GDPD4: variants seen among roughly 807,000 people sequenced by gnomAD.
GDPD4 encodes the protein glycerophosphodiester phosphodiesterase 6.
GDPD4 carries 60 observed loss-of-function variants against 67.8 expected under a neutral mutation model. The observed-to-expected ratio is 0.88, with a 90% CI of 0.72 to 1.10. GDPD4 has a LOEUF of 1.10. GDPD4 is among the 50% of genes least tolerant of loss of function. The pLI is 0.00. For synonymous variants in GDPD4, 212 were observed against 210.9 expected, an observed-to-expected ratio of 1.00 and a Z score of -0.04; for missense variants, 623 against 613.9, an observed-to-expected ratio of 1.01 and a Z score of -0.16.
At chr11:77,220,520 T>C (rs964985765) in intron 16 of GDPD4, among the ~76,000 whole-genome samples, 7 of 152,228 alleles carry the variant, frequency 4.6e-5, no homozygotes, top group Admixed American at 4.6e-4. Context: ...TTGATTTGCA[T>C]ATGTTGAACC....
intron 16 of GDPD4, among the ~76,000 whole-genome samples, chr11:77,220,255 G>A (rs1048222469): frequency 1.3e-5 from 2 of 152,182 alleles, no homozygotes; most frequent in Non-Finnish European, 2.9e-5. Flanking sequence ...TTGAATAGGA[G>A]TGGTGAGAAA....
chr11:77,245,181 C>T (rs1415046177), intron 12 of GDPD4, 100 bp downstream of exon 12: 1 of 809,422 alleles, frequency 1.2e-6, no homozygotes, highest in Non-Finnish European at 2.1e-6. Context: ...ACTTAAGGAT[C>T]CCAGGGTAGA....
intron 13 of GDPD4, among the ~76,000 whole-genome samples, chr11:77,242,972 T>A (rs1435746604): frequency 6.6e-6 from 1 of 152,016 alleles, no homozygotes; most frequent in Non-Finnish European, 1.5e-5. Flanking sequence ...CTATATATTA[T>A]GTATCTCTAA....
intron 13 of GDPD4, among the ~76,000 whole-genome samples, chr11:77,233,427 G>T (rs1332283104): frequency 1.2e-4 from 8 of 65,444 alleles, no homozygotes; most frequent in Admixed American, 9.6e-4. Context: ...ATAATAAAAA[G>T]GAAGAAAGAA....
intron 13 of GDPD4, among the ~76,000 whole-genome samples, chr11:77,242,554 C>G (rs1958689223): frequency 6.6e-6 from 1 of 151,992 alleles, no homozygotes; most frequent in South Asian, 2.1e-4. Context: ...TAGCTGATGG[C>G]TAGGCCAGGT....
At chr11:77,241,429 G>GGGAGGT (rs1031955785) in intron 13 of GDPD4, among the ~76,000 whole-genome samples, 6 of 151,958 alleles carry the variant, frequency 3.9e-5, no homozygotes. Flanking sequence ...CCAGCACTTT[G>GGGAGGT]GGAGGTGGAG....
chr11:77,258,688 T>C lies in GDPD4; in HGVS notation c.708-146A>G, dbSNP rs531321457. 1.8e-5 allele frequency: 12 copies of C among 669,622 alleles called. No homozygotes were observed. The South Asian group carries it at 2.2e-4, about 12-fold the overall frequency. The allele number at this position is 669,622 out of a possible 1,614,324, so 41.5% of individuals were successfully genotyped here. On this transcript the variant is annotated intron_variant, in intron 10 of 16. Coordinates refer to ENST00000315938, the MANE Select transcript of GDPD4 (RefSeq NM_182833.3). ...TCAAATCTTAGAAAAGGGCTACATA[T>C]CAGTCATTTACACTTTGATGTCAAT...
intron 11 of GDPD4, among the ~76,000 whole-genome samples, chr11:77,255,034 A>G (rs917099670): frequency 4.0e-5 from 6 of 150,916 alleles, no homozygotes; most frequent in African/African-American, 1.5e-4. Context: ...AAACCTAAAG[A>G]TAAAGTCTCC....
At chr11:77,217,924 A>C (rs1478608912) in intron 16 of GDPD4, among the ~76,000 whole-genome samples, 1 of 152,202 alleles carries the variant, frequency 6.6e-6, no homozygotes, top group Non-Finnish European at 1.5e-5. Flanking sequence ...AAAATCTAGA[A>C]GAGTGTGAGA....
chr11:77,288,356 C>T (rs971569589), intron 1 of GDPD4, among the ~76,000 whole-genome samples: 19 of 152,134 alleles, frequency 1.2e-4, no homozygotes, highest in African/African-American at 4.6e-4. Context: ...TGGCCCACCT[C>T]GACCTGCTAA....
chr11:77,280,042 C>T (rs772027141), intron 3 of GDPD4, among the ~76,000 whole-genome samples: 42 of 152,194 alleles, frequency 2.8e-4, no homozygotes, highest in Non-Finnish European at 5.3e-4. Context: ...CATATAACTA[C>T]ACTAGTAAGA....
intron 14 of GDPD4, among the ~76,000 whole-genome samples, chr11:77,230,697 T>A (rs986018328): frequency 6.6e-6 from 1 of 152,178 alleles, no homozygotes; most frequent in African/African-American, 2.4e-5. Context: ...ATTTGTGAAG[T>A]ATGTATGTGG....
At chr11:77,298,631 G>GGCT (rs1378180325) in intron 1 of GDPD4, among the ~76,000 whole-genome samples, 1 of 152,144 alleles carries the variant, frequency 6.6e-6, no homozygotes, top group Admixed American at 6.5e-5. Context: ...GTCTTATAGT[G>GGCT]GCTGCTCTTA....
chr11:77,222,914 G>A (rs1216232993), intron 16 of GDPD4, among the ~76,000 whole-genome samples: 3 of 152,092 alleles, frequency 2.0e-5, no homozygotes, highest in Non-Finnish European at 4.4e-5. Context: ...ATATTTCTTG[G>A]AGGCTTTGTT....
At chr11:77,252,054 GTTTTTTTTTTGTTTT>G (rs1017577466) in intron 11 of GDPD4, among the ~76,000 whole-genome samples, 2 of 42,340 alleles carry the variant, frequency 4.7e-5, no homozygotes, top group Non-Finnish European at 1.3e-4. Context: ...TTGTTTGTTT[GTTTTTTTTTTGTTTT>G]TTTTTTTTTT....
intron 11 of GDPD4, among the ~76,000 whole-genome samples, chr11:77,257,109 A>G (rs1959016485): frequency 6.6e-6 from 1 of 152,092 alleles, no homozygotes; most frequent in Non-Finnish European, 1.5e-5. Context: ...TAATTACACT[A>G]CTACCGTATA....
intron 16 of GDPD4, among the ~76,000 whole-genome samples, chr11:77,222,764 T>G (rs1200977515): frequency 6.6e-6 from 1 of 152,204 alleles, no homozygotes; most frequent in African/African-American, 2.4e-5. Context: ...TTTCCTGAAT[T>G]TGAATGTTGG....
intron 1 of GDPD4, among the ~76,000 whole-genome samples, chr11:77,294,657 T>G (rs1937888715): frequency 1.3e-5 from 2 of 152,106 alleles, no homozygotes; most frequent in South Asian, 4.1e-4. Flanking sequence ...TTCTAAGATT[T>G]ATAAGGAAAG....
At position 77,285,126 on chromosome 11, in the gene GDPD4, G is replaced by T; in HGVS notation, c.12C>A (p.Phe4Leu). 1 of 1,611,450 alleles carries T rather than the reference G, an allele frequency of 6.2e-7. No individual in the cohort carries two copies. Among genetic ancestry groups the T allele is most frequent in the Non-Finnish European group, 8.5e-7 (1 of 1,177,916 alleles). The change falls in exon 3 of 17, where the codon TTC becomes TTA. Residue 4 changes from phenylalanine to leucine, a missense_variant. Physicochemically the swap from Phe to Leu is conservative, Grantham distance 22. Coordinates refer to ENST00000315938, the MANE Select transcript of GDPD4 (RefSeq NM_182833.3). Reference sequence around the variant, plus strand: ...ATTCACTGGATGTTTCTATCCACAGGAACAGCAACATCAGAGACAAGACAA... The same window carrying T: ...ATTCACTGGATGTTTCTATCCACAGTAACAGCAACATCAGAGACAAGACAA... Reference protein sequence around the residue: MLLFLWIETSSEYF... With the variant: MLLLLWIETSSEYF...
Sources: allele counts gnomAD v4.1 joint callset (sites outside exome capture counted in the v4.1 genomes callset), GRCh38; gene constraint gnomAD v4.1.1; transcripts MANE v1.5; gene names NCBI Gene and HGNC (gene_info 2026-07-23, HGNC 2026-07-21).